The following ARSB variants were observed in gnomAD, a reference collection of about 807,000 sequenced individuals.
ARSB encodes the protein N-acetylgalactosamine-4-sulfatase.
Under a neutral mutation model 50.9 loss-of-function variants are expected in ARSB, and 41 were observed. That is an observed-to-expected ratio of 0.81 (90% confidence interval 0.63 to 1.04). The LOEUF (loss-of-function observed/expected upper bound fraction) is 1.04. Ranked by LOEUF, ARSB falls within the 50% of genes least tolerant of loss-of-function variation. The pLI is 0.00. For synonymous variants in ARSB, 269 were observed against 284.8 expected, an observed-to-expected ratio of 0.94 and a Z score of 0.56; for missense variants, 672 against 693.3, an observed-to-expected ratio of 0.97 and a Z score of 0.35.
intron 6 of ARSB, among the ~76,000 whole-genome samples, chr5:78,794,986 C>T (rs1743127510): frequency 6.6e-6 from 1 of 152,186 alleles, no homozygotes; most frequent in Non-Finnish European, 1.5e-5. Context: ...GGGCATTTTA[C>T]TTAGCCTCTG....
At chr5:78,968,614 G>A (rs953817157) in intron 2 of ARSB, among the ~76,000 whole-genome samples, 1 of 152,096 alleles carries the variant, frequency 6.6e-6, no homozygotes, top group African/African-American at 2.4e-5. Flanking sequence ...CTCCCAAAGT[G>A]CTGGGATTAC....
At chr5:78,935,820 A>G (rs1750553229) in intron 4 of ARSB, among the ~76,000 whole-genome samples, 2 of 151,994 alleles carry the variant, frequency 1.3e-5, no homozygotes, top group Admixed American at 1.3e-4. Flanking sequence ...CTTACCCAAG[A>G]TTGCATAGGC....
intron 5 of ARSB, among the ~76,000 whole-genome samples, chr5:78,864,169 G>T (rs1442476995): frequency 6.6e-6 from 1 of 151,978 alleles, no homozygotes. Flanking sequence ...AGGGTTAGGG[G>T]GTACAAGAGG....
chr5:78,783,958 C>A (rs1749002480), intron 6 of ARSB, among the ~76,000 whole-genome samples: 1 of 152,126 alleles, frequency 6.6e-6, no homozygotes, highest in Admixed American at 6.5e-5. Context: ...TATGAGCCAT[C>A]ACCCAAAATG....
intron 5 of ARSB, among the ~76,000 whole-genome samples, chr5:78,867,225 G>A (rs1746811318): frequency 6.6e-6 from 1 of 152,218 alleles, no homozygotes; most frequent in Non-Finnish European, 1.5e-5. Context: ...CTGCAAGGCG[G>A]CAGCGAGGCT....
chr5:78,850,973 G>A (rs1745742885), intron 5 of ARSB, among the ~76,000 whole-genome samples: 2 of 152,094 alleles, frequency 1.3e-5, no homozygotes, highest in Non-Finnish European at 2.9e-5. Context: ...AGTCTTGCTA[G>A]CGGTCTATCA....
chr5:78,811,823 A>G (rs1743815587), intron 6 of ARSB, among the ~76,000 whole-genome samples: 1 of 152,246 alleles, frequency 6.6e-6, no homozygotes, highest in South Asian at 2.1e-4. Context: ...AATCCTTCCC[A>G]TATTTTTTCC....
At chr5:78,820,763 T>G (rs1389051501) in intron 6 of ARSB, among the ~76,000 whole-genome samples, 1 of 152,102 alleles carries the variant, frequency 6.6e-6, no homozygotes, top group African/African-American at 2.4e-5. Flanking sequence ...CCCTGACTTC[T>G]ACCTACTAGA....
chr5:78,884,475 G>C (rs1421395289), intron 5 of ARSB: 3 of 151,806 alleles, frequency 2.0e-5, no homozygotes, highest in Non-Finnish European at 4.4e-5. Context: ...CCTATAACTA[G>C]AGACCTGAAA....
intron 6 of ARSB, among the ~76,000 whole-genome samples, chr5:78,805,725 A>G (rs1314384591): frequency 2.0e-5 from 3 of 152,232 alleles, no homozygotes; most frequent in Admixed American, 6.5e-5. Flanking sequence ...GGAATGTCCA[A>G]TGGAAGCAAA....
intron 4 of ARSB, among the ~76,000 whole-genome samples, chr5:78,923,672 C>T (rs1434828116): frequency 6.6e-6 from 1 of 152,210 alleles, no homozygotes; most frequent in Non-Finnish European, 1.5e-5. Context: ...AACTAAAATG[C>T]TGCCATTCAA....
intron 1 of ARSB, among the ~76,000 whole-genome samples, chr5:78,974,967 C>T (rs1328373307): frequency 6.6e-6 from 1 of 152,226 alleles, no homozygotes; most frequent in Non-Finnish European, 1.5e-5. Context: ...ACACTGTTTT[C>T]TCTTAGGAGG....
chr5:78,951,839 C>G (rs1210740616), intron 4 of ARSB, among the ~76,000 whole-genome samples: 4 of 152,130 alleles, frequency 2.6e-5, no homozygotes, highest in Admixed American at 6.5e-5. Flanking sequence ...ATAAACTATT[C>G]CAGAGCATAG....
chr5:78,842,430 G>C (rs147659338), intron 5 of ARSB, among the ~76,000 whole-genome samples: 70 of 152,312 alleles, frequency 4.6e-4, no homozygotes, highest in African/African-American at 1.6e-3. Flanking sequence ...AGAATCCTCA[G>C]GGCTGAATGC....
At chr5:78,881,388 C>T (rs1455291469) in intron 5 of ARSB, among the ~76,000 whole-genome samples, 1 of 151,512 alleles carries the variant, frequency 6.6e-6, no homozygotes, top group Non-Finnish European at 1.5e-5. Flanking sequence ...ATGGGAAAGA[C>T]ATCCATGTAG....
intron 4 of ARSB, among the ~76,000 whole-genome samples, chr5:78,928,612 G>A (rs372841182): frequency 1.3e-5 from 2 of 152,068 alleles, no homozygotes; most frequent in East Asian, 1.9e-4. Flanking sequence ...CGCCATGCCC[G>A]GCTGCTTTTG....
At chr5:78,806,405 C>G (rs1238263044) in intron 6 of ARSB, among the ~76,000 whole-genome samples, 1 of 152,160 alleles carries the variant, frequency 6.6e-6, no homozygotes, top group Non-Finnish European at 1.5e-5. Flanking sequence ...TATGAACAAC[C>G]ATCATTTACT....
chr5:78,798,247 G>C (rs1743247818), intron 6 of ARSB, among the ~76,000 whole-genome samples: 1 of 152,106 alleles, frequency 6.6e-6, no homozygotes, highest in Non-Finnish European at 1.5e-5. Flanking sequence ...CTCCAGTTCT[G>C]GCACCAGCAG....
intron 5 of ARSB, among the ~76,000 whole-genome samples, chr5:78,869,639 G>C (rs954106029): frequency 6.6e-6 from 1 of 151,842 alleles, no homozygotes; most frequent in African/African-American, 2.4e-5. Flanking sequence ...CAACATACCA[G>C]AATCTCTGGG....
Sources: gnomAD v4.1 joint callset for allele counts (sites outside exome capture counted in the v4.1 genomes callset) on GRCh38, gnomAD v4.1.1 for gene constraint, MANE v1.5 for transcripts, NCBI Gene and HGNC (gene_info 2026-07-23, HGNC 2026-07-21) for gene names.